NRXN3: variants seen among roughly 807,000 people sequenced by gnomAD.
The protein encoded by NRXN3 is neurexin III.
Under a neutral mutation model 137.6 loss-of-function variants are expected in NRXN3, and 32 were observed. The ratio of observed to expected loss-of-function variants is 0.23; its 90% confidence interval spans 0.18 to 0.31. NRXN3 has a LOEUF of 0.31. NRXN3 is among the 10% of genes least tolerant of loss of function. The probability of loss-of-function intolerance (pLI) is 1.00; values close to 1 mark genes in which losing one functional copy is unlikely to be tolerated. For missense variants in NRXN3, 1,574 were observed against 2,062.5 expected (o/e 0.76, Z 4.59); for synonymous variants, 798 against 784.5 (o/e 1.02, Z -0.29).
rs1386730570 is a variant in NRXN3, at chr14:79,862,253, G to A, written c.*289G>A. ...AGCACACACTTAGCGCTCTGGAGCC[G>A]GACGGTGGCTCCACCACTTCCGCAG... On this transcript the variant is annotated 3_prime_UTR_variant, in exon 21 of 21. Transcript: ENST00000335750. 2 of 262,838 alleles carry A rather than the reference G, an allele frequency of 7.6e-6. No homozygotes were observed. The highest frequency in any genetic ancestry group is 7.6e-5 in the East Asian group (1 of 13,130). The allele number at this position is 262,838 out of a possible 1,614,324, so 16.3% of individuals were successfully genotyped here.
rs1028651222 is a variant in NRXN3, at chr14:78,194,089, G to A, written c.-704+23415G>A. ...AGGTAACGCACGCTGGGTTTGGAGC[G>A]AGGACATGATGTGCGACCCACATCG... On this transcript the variant is annotated intron_variant, in intron 1 of 20. Coordinates refer to ENST00000335750, the MANE Select transcript of NRXN3 (RefSeq NM_001330195.2). 3.3e-5 allele frequency among the ~76,000 whole-genome samples: 5 copies of A among 152,294 alleles called. No homozygotes were observed. In the South Asian group the frequency reaches 8.3e-4, roughly 25 times the overall value.
At chr14:78,580,073 T>C (rs2152351948) in intron 4 of NRXN3, among the ~76,000 whole-genome samples, 1 of 152,290 alleles carries the variant, frequency 6.6e-6, no homozygotes, top group African/African-American at 2.4e-5. Context: ...ATGCTAATTG[T>C]TTTTATCTTT....
At position 78,256,642 on chromosome 14, in the gene NRXN3, C is replaced by T. The variant is rs575834350; in HGVS notation, c.709+12840C>T. On this transcript the variant is annotated intron_variant, in intron 2 of 20. Transcript: ENST00000335750. ...AGGCCAAGACCATTCTTTGGGGATGCAGGACCTGACTTCATTGATTAATTT... is the reference window on the plus strand; with the variant it reads ...AGGCCAAGACCATTCTTTGGGGATGTAGGACCTGACTTCATTGATTAATTT... Among the ~76,000 whole-genome samples, 8 of 152,340 alleles carry T rather than the reference C, an allele frequency of 5.3e-5. No individual in the cohort carries two copies. In the East Asian group the frequency reaches 1.5e-3, roughly 29 times the overall value.
intron 4 of NRXN3, among the ~76,000 whole-genome samples, chr14:78,454,578 C>A (rs985250872): frequency 6.6e-6 from 1 of 152,178 alleles, no homozygotes; most frequent in Admixed American, 6.5e-5. Context: ...GGGATTTGGT[C>A]TGTCTCATTT....
chr14:79,016,746 C>A (rs949253224), intron 15 of NRXN3, among the ~76,000 whole-genome samples: 1 of 152,178 alleles, frequency 6.6e-6, no homozygotes, highest in African/African-American at 2.4e-5. Flanking sequence ...AATGTTTTAA[C>A]CTTTCTATAA....
rs1566781524 is a variant in NRXN3 at position 78,571,737 on chromosome 14, T to C, written c.758-73383T>C. On this transcript the variant is annotated intron_variant, in intron 4 of 20. Transcript: ENST00000335750. ...CGCAACACAAAGTGCACGCACATAT[T>C]GGTCTTGAAATTCCCCAAGGACCAA... 2.0e-5 allele frequency among the ~76,000 whole-genome samples: 3 copies of C among 152,308 alleles called. No homozygotes were observed. In the East Asian group the frequency reaches 5.8e-4, roughly 29 times the overall value.
At chr14:79,181,690 A>G (rs1040083852) in intron 15 of NRXN3, among the ~76,000 whole-genome samples, 1 of 151,824 alleles carries the variant, frequency 6.6e-6, no homozygotes, top group Non-Finnish European at 1.5e-5. Context: ...TCAAAAAAAA[A>G]AAAAAAAAAA....
At chr14:78,465,913 G>A (rs372158505) in intron 4 of NRXN3, among the ~76,000 whole-genome samples, 2 of 151,618 alleles carry the variant, frequency 1.3e-5, no homozygotes, top group African/African-American at 2.4e-5. Context: ...GTGCAGTGAC[G>A]CGATCTCGGC....
chr14:78,369,285 C>CAA (rs773266627), intron 4 of NRXN3, among the ~76,000 whole-genome samples: 1 of 132,364 alleles, frequency 7.6e-6, no homozygotes, highest in Non-Finnish European at 1.7e-5. Flanking sequence ...AAGGTTTTTG[C>CAA]AAAAAAAAAA....
At chr14:79,414,451 T>A (rs2095467647) in intron 15 of NRXN3, among the ~76,000 whole-genome samples, 1 of 152,160 alleles carries the variant, frequency 6.6e-6, no homozygotes, top group Non-Finnish European at 1.5e-5. Flanking sequence ...ATTTTATAAT[T>A]TCAAATTTTG....
chr14:78,267,865 CA>C (rs2072039575), intron 2 of NRXN3, among the ~76,000 whole-genome samples: 1 of 152,176 alleles, frequency 6.6e-6, no homozygotes, highest in African/African-American at 2.4e-5. Context: ...TGGTGACTAA[CA>C]GCAATGCAGA....
At chr14:79,402,339 A>G (rs956511161) in intron 15 of NRXN3, among the ~76,000 whole-genome samples, 3 of 152,220 alleles carry the variant, frequency 2.0e-5, no homozygotes, top group Non-Finnish European at 4.4e-5. Context: ...TTAACTTAAA[A>G]ATGTGCAATG....
intron 20 of NRXN3, among the ~76,000 whole-genome samples, chr14:79,849,103 C>G (rs1357214645): frequency 6.6e-6 from 1 of 152,182 alleles, no homozygotes; most frequent in Non-Finnish European, 1.5e-5. Flanking sequence ...ACAAATTGCT[C>G]ACACATTTCC....
At chr14:79,128,790 G>C (rs1372799926) in intron 15 of NRXN3, among the ~76,000 whole-genome samples, 2 of 151,978 alleles carry the variant, frequency 1.3e-5, no homozygotes, top group Non-Finnish European at 2.9e-5. Context: ...GAATTCGGCT[G>C]TGAATCCATC....
chr14:79,283,286 A>G (rs565372611), intron 15 of NRXN3, among the ~76,000 whole-genome samples: 1 of 152,260 alleles, frequency 6.6e-6, no homozygotes, highest in East Asian at 1.9e-4. Flanking sequence ...GAGTCCAAGA[A>G]TCTTCTTTGG....
chr14:79,602,616 T>C (rs1341710371), intron 16 of NRXN3, among the ~76,000 whole-genome samples: 1 of 152,142 alleles, frequency 6.6e-6, no homozygotes, highest in Non-Finnish European at 1.5e-5. Flanking sequence ...TTCAGTGAGA[T>C]GGGAATTTAT....
intron 10 of NRXN3, among the ~76,000 whole-genome samples, chr14:78,837,966 A>G (rs2099001677): frequency 6.6e-6 from 1 of 152,218 alleles, no homozygotes; most frequent in Non-Finnish European, 1.5e-5. Flanking sequence ...CAGAGTTTTC[A>G]CTGAGCCATA....
At chr14:79,063,091 A>G (rs1459249682) in intron 15 of NRXN3, among the ~76,000 whole-genome samples, 1 of 152,178 alleles carries the variant, frequency 6.6e-6, no homozygotes, top group African/African-American at 2.4e-5. Context: ...CTGTGGACAT[A>G]CATTTGCATA....
intron 19 of NRXN3, among the ~76,000 whole-genome samples, chr14:79,752,974 C>T (rs1396359678): frequency 6.6e-6 from 1 of 152,012 alleles, no homozygotes; most frequent in Admixed American, 6.6e-5. Context: ...AAAAAATGCT[C>T]ATCATCACTG....
Sources: allele counts gnomAD v4.1 joint callset (sites outside exome capture counted in the v4.1 genomes callset), GRCh38; gene constraint gnomAD v4.1.1; transcripts MANE v1.5; gene names NCBI Gene and HGNC (gene_info 2026-07-23, HGNC 2026-07-21).